SEPHS1: variants seen among roughly 807,000 people sequenced by gnomAD.
The protein encoded by SEPHS1 is zincore component SEPHS1.
A neutral mutation model predicts 39.2 loss-of-function variants in SEPHS1; 7 were observed. That is an observed-to-expected ratio of 0.18 (90% CI 0.10 to 0.34). SEPHS1 has a LOEUF of 0.34. Ranked by LOEUF, SEPHS1 falls within the 10% of genes least tolerant of loss-of-function variation. The probability of loss-of-function intolerance (pLI) is 1.00; values close to 1 mark genes in which losing one functional copy is unlikely to be tolerated. For missense variants in SEPHS1, 253 were observed against 514.5 expected (o/e 0.49, Z 4.92); for synonymous variants, 190 against 195.5 (o/e 0.97, Z 0.23).
intron 7 of SEPHS1, among the ~76,000 whole-genome samples, chr10:13,326,342 C>T (rs553747334): frequency 3.3e-5 from 5 of 152,044 alleles, no homozygotes; most frequent in Non-Finnish European, 5.9e-5. Flanking sequence ...GGCGTGGTGG[C>T]GGGCGCCTAT....
intron 4 of SEPHS1, among the ~76,000 whole-genome samples, chr10:13,335,683 T>C (rs1254975514): frequency 1.4e-5 from 2 of 138,528 alleles, no homozygotes. Flanking sequence ...AAAAAAAATA[T>C]ACACAAATGC....
intron 7 of SEPHS1, among the ~76,000 whole-genome samples, chr10:13,324,005 A>G (rs1470808864): frequency 1.3e-5 from 2 of 152,188 alleles, no homozygotes; most frequent in Non-Finnish European, 2.9e-5. Flanking sequence ...AAAAATTTAC[A>G]GACTTTATTT....
intron 4 of SEPHS1, 60 bp downstream of exon 4, chr10:13,336,183 A>G: frequency 8.3e-7 from 1 of 1,201,864 alleles, no homozygotes; most frequent in Non-Finnish European, 1.2e-6. Context: ...AGTCTAACCA[A>G]GGCCAGAGAT....
At chr10:13,336,097 TG>T in intron 4 of SEPHS1, 145 bp downstream of exon 4, 1 of 536,460 alleles carries the variant, frequency 1.9e-6, no homozygotes, top group Non-Finnish European at 3.3e-6. Flanking sequence ...TACTGGTAAC[TG>T]CCAAAAAGTG....
intron 1 of SEPHS1, among the ~76,000 whole-genome samples, chr10:13,345,826 G>A (rs575170526): frequency 1.3e-5 from 2 of 152,340 alleles, no homozygotes; most frequent in East Asian, 1.9e-4. Context: ...GCAGTGAGCC[G>A]AGATCGAGCC....
chr10:13,340,781 A>T (rs1833759323), intron 2 of SEPHS1: 1 of 152,256 alleles, frequency 6.6e-6, no homozygotes, highest in Non-Finnish European at 1.5e-5. Context: ...AGGGCTGAAA[A>T]GCAGCTCCGT....
intron 8 of SEPHS1, chr10:13,322,194 T>G (rs1344789359): frequency 1.7e-5 from 6 of 359,636 alleles, no homozygotes. Flanking sequence ...CAGGCTGGAG[T>G]GCAGTGGCGC....
intron 2 of SEPHS1, among the ~76,000 whole-genome samples, chr10:13,339,286 T>C (rs1252078515): frequency 2.6e-5 from 4 of 152,140 alleles, no homozygotes; most frequent in African/African-American, 7.2e-5. Flanking sequence ...AATGCTATTA[T>C]TACTTATACA....
intron 1 of SEPHS1, among the ~76,000 whole-genome samples, chr10:13,346,329 C>T (rs1833920317): frequency 6.6e-6 from 1 of 152,180 alleles, no homozygotes; most frequent in South Asian, 2.1e-4. Flanking sequence ...TCGGTTTCCC[C>T]TATAAAATTT....
intron 7 of SEPHS1, among the ~76,000 whole-genome samples, chr10:13,325,956 A>ATAATAATAATAAT (rs1554789096): frequency 1.8e-5 from 2 of 113,928 alleles, no homozygotes; most frequent in African/African-American, 7.3e-5. Context: ...CAAAAAAAAA[A>ATAATAATAATAAT]AAAAAAAATA....
rs566951044 is a variant in SEPHS1, at chr10:13,336,533, T to C, written c.298-183A>G. On this transcript the variant is annotated intron_variant, in intron 3 of 8. Coordinates refer to ENST00000327347, the MANE Select transcript of SEPHS1 (RefSeq NM_012247.5). ...AACCTTTCCTGCATCACAGAGTCACTAGGCCATTCGTTTTTTCTCAGACAT... is the reference window on the plus strand; with the variant it reads ...AACCTTTCCTGCATCACAGAGTCACCAGGCCATTCGTTTTTTCTCAGACAT... 4.9e-6 allele frequency: 3 copies of C among 611,330 alleles called. No individual in the cohort carries two copies. The South Asian group carries it at 5.7e-5, about 12-fold the overall frequency. 37.9% of individuals were successfully genotyped at this position (611,330 alleles called of 1,614,324 possible).
chr10:13,330,421 G>A (rs771405215), intron 5 of SEPHS1, among the ~76,000 whole-genome samples: 4 of 152,250 alleles, frequency 2.6e-5, no homozygotes, highest in African/African-American at 9.6e-5. Context: ...GCACCCAGAC[G>A]CCTTGGTGGT....
At chr10:13,336,160 A>G (rs1833626407) in intron 4 of SEPHS1, 83 bp downstream of exon 4, 3 of 925,858 alleles carry the variant, frequency 3.2e-6, no homozygotes, top group Admixed American at 2.0e-5. Flanking sequence ...CTCGCTTTCT[A>G]GATGGGAAAC....
At chr10:13,333,106 T>C (rs1004622305) in intron 5 of SEPHS1, among the ~76,000 whole-genome samples, 7 of 151,704 alleles carry the variant, frequency 4.6e-5, no homozygotes, top group Non-Finnish European at 1.0e-4. Flanking sequence ...GTGAATGGTA[T>C]AGTACGCAAA....
chr10:13,340,985 A>G (rs1833766487), intron 2 of SEPHS1, among the ~76,000 whole-genome samples: 1 of 152,254 alleles, frequency 6.6e-6, no homozygotes, highest in South Asian at 2.1e-4. Flanking sequence ...TGTCGTATAT[A>G]TACATACTGA....
chr10:13,328,229 C>T lies in SEPHS1; in HGVS notation c.751+122G>A, dbSNP rs1278353568. The T allele has an allele frequency of 1.1e-5, 7 of 644,712 alleles. No homozygotes were observed. In the South Asian group the frequency reaches 1.2e-4, roughly 11 times the overall value. The allele number at this position is 644,712 out of a possible 1,614,324, so 39.9% of individuals were successfully genotyped here. On this transcript the variant is annotated intron_variant, in intron 7 of 8. Coordinates refer to ENST00000327347, the MANE Select transcript of SEPHS1 (RefSeq NM_012247.5). ...ATGCCAACCTGGTACCAGGAGAAGA[C>T]GGTCTGTAGTCACTGGCCAAAAATC...
At chr10:13,326,004 T>C (rs1833277044) in intron 7 of SEPHS1, among the ~76,000 whole-genome samples, 2 of 149,484 alleles carry the variant, frequency 1.3e-5, no homozygotes, top group East Asian at 1.9e-4. Flanking sequence ...AATTATCCAG[T>C]CTTGGCTATT....
intron 4 of SEPHS1, 105 bp from the exon 5 acceptor site, chr10:13,334,076 AG>A: frequency 9.7e-7 from 1 of 1,033,996 alleles, no homozygotes; most frequent in Non-Finnish European, 1.4e-6. Context: ...AAAATCCTAA[AG>A]GAAGTCCTCA....
intron 8 of SEPHS1, chr10:13,321,958 G>A (rs1329224006): frequency 2.4e-6 from 1 of 418,036 alleles, no homozygotes; most frequent in South Asian, 1.7e-5. Context: ...AACTACTGGG[G>A]CGTATGGTGT....
Sources: allele counts gnomAD v4.1 joint callset (sites outside exome capture counted in the v4.1 genomes callset), GRCh38; gene constraint gnomAD v4.1.1; transcripts MANE v1.5; gene names NCBI Gene and HGNC (gene_info 2026-07-23, HGNC 2026-07-21).